The following CTNNA3 variants were observed in gnomAD, a reference collection of about 807,000 sequenced individuals.
CTNNA3 encodes catenin alpha 3, also known as catenin alpha-3.
In CTNNA3, 76 loss-of-function variants were observed where a neutral mutation model predicts 95.7. That is an observed-to-expected ratio of 0.79 (90% CI 0.66 to 0.96). The LOEUF is 0.96. Among genes scored for constraint, CTNNA3 ranks in the 40% least tolerant of loss-of-function variants. The pLI, the probability that CTNNA3 is intolerant of heterozygous loss-of-function variation, is 0.00. For missense variants in CTNNA3, 1,191 were observed against 1,089.8 expected, an observed-to-expected ratio of 1.09 and a Z score of -1.31; for synonymous variants, 431 against 374.4, an observed-to-expected ratio of 1.15 and a Z score of -1.74.
At chr10:66,294,242 G>T (rs1307771770) in intron 12 of CTNNA3, among the ~76,000 whole-genome samples, 1 of 151,990 alleles carries the variant, frequency 6.6e-6, no homozygotes, top group Non-Finnish European at 1.5e-5. Flanking sequence ...TTTATCATCC[G>T]GTCATAATTA....
chr10:66,334,731 G>T (rs1005471755), intron 12 of CTNNA3, among the ~76,000 whole-genome samples: 2 of 151,942 alleles, frequency 1.3e-5, no homozygotes, highest in African/African-American at 4.8e-5. Flanking sequence ...TCTTCTCGAG[G>T]AGTATCTTTG....
chr10:67,700,989 C>T (rs1232516588), upstream of CTNNA3, among the ~76,000 whole-genome samples: 7 of 152,126 alleles, frequency 4.6e-5, no homozygotes, highest in Non-Finnish European at 7.3e-5. Context: ...GCAGAAGCCT[C>T]AGGAGCCAAT....
At chr10:66,709,710 G>C (rs10997326) in intron 9 of CTNNA3, among the ~76,000 whole-genome samples, 3,505 of 152,008 alleles carry the variant, frequency 0.023, 169 homozygotes, top group East Asian at 0.22. Flanking sequence ...TAGTATATTT[G>C]TTCTTATACG....
At chr10:67,392,606 C>A (rs10997630) in intron 5 of CTNNA3, among the ~76,000 whole-genome samples, 1 of 152,114 alleles carries the variant, frequency 6.6e-6, no homozygotes, top group Non-Finnish European at 1.5e-5. Context: ...CGCATGCACA[C>A]GTATGTTTAT....
rs148409395 is a variant in CTNNA3, at chr10:66,590,689, A to G, written c.1374+31003T>C. On this transcript the variant is annotated intron_variant, in intron 10 of 17. Transcript: ENST00000433211. The stretch of plus-strand genomic sequence containing the variant: ...CATAGTCATGTAACATGTGAGGATA[A>G]TGTTAAAAATAGTTATAGTTTGCCT... 4.3e-3 allele frequency among the ~76,000 whole-genome samples: 660 copies of G among 152,222 alleles called. 4 individuals are homozygous for G. The highest frequency in any genetic ancestry group is 8.0e-3 in the Non-Finnish European group (542 of 67,970).
chr10:66,918,941 C>T (rs1195325429), intron 7 of CTNNA3, among the ~76,000 whole-genome samples: 1 of 151,946 alleles, frequency 6.6e-6, no homozygotes, highest in Non-Finnish European at 1.5e-5. Context: ...TGAGACCATC[C>T]TGGCTAACAC....
rs116176356 is a variant in CTNNA3, at chr10:66,732,641, T to A, written c.1281+33623A>T. ...AGATCTCGTGAGAATTCAGTCACTA[T>A]TACGAGAACAGGAGCATGGGGGTAA... On this transcript the variant is annotated intron_variant, in intron 9 of 17. Coordinates refer to ENST00000433211, the MANE Select transcript of CTNNA3 (RefSeq NM_013266.4). Among the ~76,000 whole-genome samples the A allele has an allele frequency of 1.6e-3, 245 of 152,162 alleles. 1 individual carries two copies. Among genetic ancestry groups the A allele is most frequent in the African/African-American group, 5.5e-3 (230 of 41,524 alleles).
chr10:66,438,836 G>A (rs964255159), intron 11 of CTNNA3, among the ~76,000 whole-genome samples: 63 of 152,222 alleles, frequency 4.1e-4, no homozygotes, highest in African/African-American at 1.5e-3. Flanking sequence ...GCACCCAAAG[G>A]AATCTCCTGA....
At chr10:66,977,419 A>G (rs1459788088) in intron 7 of CTNNA3, among the ~76,000 whole-genome samples, 1 of 127,018 alleles carries the variant, frequency 7.9e-6, no homozygotes, top group African/African-American at 2.9e-5. Flanking sequence ...CTGGCGATAG[A>G]GTGAAACTCT....
intron 7 of CTNNA3, among the ~76,000 whole-genome samples, chr10:67,071,731 C>T (rs1367875652): frequency 6.6e-6 from 1 of 152,114 alleles, no homozygotes; most frequent in Non-Finnish European, 1.5e-5. Flanking sequence ...TCCTTTGGGA[C>T]TTCATTTTTA....
intron 5 of CTNNA3, among the ~76,000 whole-genome samples, chr10:67,241,268 C>G (rs1435895023): frequency 6.6e-6 from 1 of 151,910 alleles, no homozygotes; most frequent in African/African-American, 2.4e-5. Context: ...TAAAAAAATA[C>G]AAAAATTAGT....
intron 7 of CTNNA3, among the ~76,000 whole-genome samples, chr10:67,055,968 T>A (rs777668980): frequency 1.3e-5 from 2 of 152,160 alleles, no homozygotes; most frequent in African/African-American, 4.8e-5. Flanking sequence ...TGTTTCCTCA[T>A]GAGCATAATA....
At chr10:66,897,313 G>A (rs1295462358) in intron 7 of CTNNA3, among the ~76,000 whole-genome samples, 1 of 151,868 alleles carries the variant, frequency 6.6e-6, no homozygotes, top group African/African-American at 2.4e-5. Context: ...TAAAAGTGGG[G>A]ATATCCATGG....
intron 7 of CTNNA3, among the ~76,000 whole-genome samples, chr10:67,016,699 T>C (rs1359766975): frequency 6.6e-6 from 1 of 152,186 alleles, no homozygotes; most frequent in Admixed American, 6.5e-5. Context: ...CATCTCTTAG[T>C]GGGTTTGATT....
At chr10:67,702,367 T>C (rs967673365) in intron 1 of CTNNA3, among the ~76,000 whole-genome samples, 6 of 152,076 alleles carry the variant, frequency 3.9e-5, no homozygotes, top group Non-Finnish European at 8.8e-5. Flanking sequence ...ATTGACCACA[T>C]AGTTGGAAGT....
At chr10:66,341,180 A>C (rs963559107) in intron 12 of CTNNA3, among the ~76,000 whole-genome samples, 1 of 151,938 alleles carries the variant, frequency 6.6e-6, no homozygotes, top group Non-Finnish European at 1.5e-5. Context: ...TGATAAAACC[A>C]GTCTCTTTTC....
At chr10:66,425,675 G>GATAT (rs34309375) in intron 11 of CTNNA3, among the ~76,000 whole-genome samples, 9 of 148,614 alleles carry the variant, frequency 6.1e-5, no homozygotes, top group African/African-American at 1.0e-4. Flanking sequence ...TTCATATAAA[G>GATAT]ATATATATAT....
chr10:66,620,990 T>C (rs1022653799), intron 10 of CTNNA3, among the ~76,000 whole-genome samples: 4 of 152,168 alleles, frequency 2.6e-5, no homozygotes, highest in African/African-American at 4.8e-5. Flanking sequence ...AATTTCTCTA[T>C]GTGTATCTTG....
At chr10:66,851,206 G>T (rs1459830487) in intron 7 of CTNNA3, among the ~76,000 whole-genome samples, 2 of 151,974 alleles carry the variant, frequency 1.3e-5, no homozygotes, top group Non-Finnish European at 2.9e-5. Flanking sequence ...CACTTTATGA[G>T]CATCCTTTCT....
Sources: allele counts gnomAD v4.1 joint callset (sites outside exome capture counted in the v4.1 genomes callset), GRCh38; gene constraint gnomAD v4.1.1; transcripts MANE v1.5; gene names NCBI Gene and HGNC (gene_info 2026-07-23, HGNC 2026-07-21).